Variants in KCNMB2 observed in about 807,000 individuals in gnomAD.
KCNMB2 encodes the protein calcium-activated potassium channel subunit beta-2.
In KCNMB2, 9 loss-of-function variants were observed where a neutral mutation model predicts 24.5. The observed-to-expected ratio is 0.37, with a 90% CI of 0.22 to 0.64. KCNMB2 has a LOEUF of 0.64. Ranked by LOEUF, KCNMB2 falls within the 30% of genes least tolerant of loss-of-function variation. The pLI, the probability that KCNMB2 is intolerant of heterozygous loss-of-function variation, is 0.63. For synonymous variants in KCNMB2, 109 were observed against 104.4 expected (o/e 1.04, Z -0.27); for missense variants, 226 against 284.3 (o/e 0.79, Z 1.47).
At chr3:178,547,918 A>G (rs969904807) in intron 1 of KCNMB2, among the ~76,000 whole-genome samples, 6 of 152,206 alleles carry the variant, frequency 3.9e-5, no homozygotes, top group Middle Eastern at 3.2e-3. Context: ...ATACTGTCTC[A>G]TGTTTCTGTT....
chr3:178,547,919 T>C, intron 1 of KCNMB2, among the ~76,000 whole-genome samples: 1 of 152,268 alleles, frequency 6.6e-6, no homozygotes, highest in African/African-American at 2.4e-5. Flanking sequence ...TACTGTCTCA[T>C]GTTTCTGTTC....
chr3:178,657,466 T>C (rs577637964), intron 1 of KCNMB2, among the ~76,000 whole-genome samples: 2 of 152,082 alleles, frequency 1.3e-5, no homozygotes, highest in East Asian at 1.9e-4. Flanking sequence ...AAATCTTGGG[T>C]TTTCACCTGT....
At chr3:178,781,516 A>G (rs1001456306) in intron 1 of KCNMB2, among the ~76,000 whole-genome samples, 1 of 152,044 alleles carries the variant, frequency 6.6e-6, no homozygotes, top group Non-Finnish European at 1.5e-5. Context: ...TGCTTGAGCC[A>G]AGGAGACAGA....
chr3:178,614,346 T>C lies in KCNMB2; in HGVS notation c.-68+77635T>C, dbSNP rs1432149381. On this transcript the variant is annotated intron_variant, in intron 1 of 4. Coordinates refer to ENST00000452583, the MANE Select transcript of KCNMB2 (RefSeq NM_181361.3). ...ATATATATGTATGTATATATATATA[T>C]GTATATATATATGAGATTTAATGGA... Among the ~76,000 whole-genome samples the C allele has an allele frequency of 2.9e-5, 4 of 137,202 alleles. No individual in the cohort carries two copies. The South Asian group carries it at 9.2e-4, about 32-fold the overall frequency. The allele number at this position is 137,202 out of a possible 152,430, so 90.0% of individuals were successfully genotyped here.
intron 1 of KCNMB2, chr3:178,757,262 G>C (rs535426673): frequency 7.4e-6 from 1 of 135,022 alleles, no homozygotes; most frequent in African/African-American, 2.7e-5. Context: ...ATATATACAC[G>C]TGTGTGTGTG....
chr3:178,764,362 G>T (rs112462449), intron 1 of KCNMB2, among the ~76,000 whole-genome samples: 3,674 of 152,146 alleles, frequency 0.024, 156 homozygotes, highest in African/African-American at 0.083. Flanking sequence ...ATAGGACAAT[G>T]GTCTCATAAG....
chr3:178,713,038 C>T (rs1173394302), intron 1 of KCNMB2, among the ~76,000 whole-genome samples: 1 of 152,202 alleles, frequency 6.6e-6, no homozygotes, highest in Non-Finnish European at 1.5e-5. Flanking sequence ...TATACATACA[C>T]ATTTAGTTGG....
chr3:178,808,452 A>G (rs977032072), intron 2 of KCNMB2, among the ~76,000 whole-genome samples: 10 of 152,186 alleles, frequency 6.6e-5, no homozygotes, highest in African/African-American at 2.2e-4. Flanking sequence ...ATTAAAAACT[A>G]CAATTGATAA....
intron 1 of KCNMB2, among the ~76,000 whole-genome samples, chr3:178,691,107 C>CTTTTTTTTT (rs71181241): frequency 0.12 from 9,262 of 79,452 alleles, 1,856 homozygotes; most frequent in South Asian, 0.19. Context: ...CCCATTAAGT[C>CTTTTTTTTT]TTTTTTTTTT....
intron 1 of KCNMB2, among the ~76,000 whole-genome samples, chr3:178,788,890 T>C (rs1713211482): frequency 6.6e-6 from 1 of 152,240 alleles, no homozygotes. Context: ...TTGTCTGATA[T>C]GTTTATCAAT....
intron 1 of KCNMB2, among the ~76,000 whole-genome samples, chr3:178,608,923 C>T (rs1718376888): frequency 6.6e-6 from 1 of 152,166 alleles, no homozygotes; most frequent in African/African-American, 2.4e-5. Flanking sequence ...CAAATCTTAG[C>T]TATTGTAAAC....
chr3:178,617,230 A>C (rs1274567619), intron 1 of KCNMB2, among the ~76,000 whole-genome samples: 1 of 152,166 alleles, frequency 6.6e-6, no homozygotes, highest in Non-Finnish European at 1.5e-5. Context: ...ATTATTATTC[A>C]AAAGAAATGT....
At chr3:178,739,302 G>A (rs1241592929) in intron 1 of KCNMB2, among the ~76,000 whole-genome samples, 1 of 152,136 alleles carries the variant, frequency 6.6e-6, no homozygotes. Context: ...TTGAAGGAGA[G>A]ACTTCTATGT....
intron 1 of KCNMB2, among the ~76,000 whole-genome samples, chr3:178,753,395 T>C (rs1160657780): frequency 6.6e-6 from 1 of 152,196 alleles, no homozygotes; most frequent in Non-Finnish European, 1.5e-5. Flanking sequence ...AGTTCTTAAC[T>C]CCTCTGTGCC....
intron 1 of KCNMB2, among the ~76,000 whole-genome samples, chr3:178,568,604 T>G (rs1716613626): frequency 6.6e-6 from 1 of 152,076 alleles, no homozygotes; most frequent in Non-Finnish European, 1.5e-5. Context: ...TCAAAGCTCT[T>G]AAGAGGAATG....
rs113994988 is a variant in KCNMB2 at position 178,693,554 on chromosome 3, T to C, written c.-67-113789T>C. 7.5e-3 allele frequency among the ~76,000 whole-genome samples: 1,150 copies of C among 152,366 alleles called. 15 individuals are homozygous for C. The highest frequency in any genetic ancestry group is 0.027 in the African/African-American group (1,115 of 41,594). ...CTGTTAATGTGATGAATCACATTTA[T>C]TTATTTGTATATGTTGAACCAACCT... On this transcript the variant is annotated intron_variant, in intron 1 of 4. Transcript: ENST00000452583.
rs1553773767 is a variant in KCNMB2 at position 178,754,195 on chromosome 3, C to CACACAT, written c.-67-53147_-67-53146insCACATA. 2.2e-3 allele frequency among the ~76,000 whole-genome samples: 297 copies of CACACAT among 137,462 alleles called. 5 individuals carry two copies. The South Asian group carries it at 0.027, about 12-fold the overall frequency. The allele number at this position is 137,462 out of a possible 152,430, so 90.2% of individuals were successfully genotyped here. A position where few individuals can be genotyped will look rare whatever the true frequency, so the allele number is the denominator to read the frequency against. On this transcript the variant is annotated intron_variant, in intron 1 of 4. Coordinates refer to ENST00000452583, the MANE Select transcript of KCNMB2 (RefSeq NM_181361.3). ...ATATATATACACACACACACACATA[C>CACACAT]ATATATATATATATATCACATTTTC...
At position 178,655,089 on chromosome 3, in the gene KCNMB2, GCTCTCCCTCTCT is replaced by G. The variant is rs1185153134; in HGVS notation, c.-68+118384_-68+118395del. On this transcript the variant is annotated intron_variant, in intron 1 of 4. Coordinates refer to ENST00000452583, the MANE Select transcript of KCNMB2 (RefSeq NM_181361.3). ...TTAGTGTAAAGTTCAGTAAATATTA[GCTCTCCCTCTCT>G]CTCTCTCTCTCTCTCTCTCTCTCTC... Among the ~76,000 whole-genome samples, 128 of 77,956 alleles carry G rather than the reference GCTCTCCCTCTCT, an allele frequency of 1.6e-3. 1 individual carries two copies. Among genetic ancestry groups the G allele is most frequent in the African/African-American group, 5.5e-3 (110 of 19,970 alleles). 51.1% of individuals were successfully genotyped at this position (77,956 alleles called of 152,430 possible).
At chr3:178,611,773 T>C (rs1455686978) in intron 1 of KCNMB2, among the ~76,000 whole-genome samples, 1 of 152,096 alleles carries the variant, frequency 6.6e-6, no homozygotes, top group Non-Finnish European at 1.5e-5. Context: ...TTTCTTCATT[T>C]TATTTATTTT....
Sources: gnomAD v4.1 joint callset for allele counts (sites outside exome capture counted in the v4.1 genomes callset) on GRCh38, gnomAD v4.1.1 for gene constraint, MANE v1.5 for transcripts, NCBI Gene and HGNC (gene_info 2026-07-23, HGNC 2026-07-21) for gene names.